The following CPXM2 variants were observed in gnomAD, a reference collection of about 807,000 sequenced individuals.
The protein encoded by CPXM2 is inactive carboxypeptidase-like protein X2.
CPXM2 carries 66 observed loss-of-function variants against 86.1 expected under a neutral mutation model. The ratio of observed to expected loss-of-function variants is 0.77; its 90% confidence interval spans 0.63 to 0.94. The LOEUF (loss-of-function observed/expected upper bound fraction) is 0.94, where lower values mean the gene tolerates loss of function less well. Among genes scored for constraint, CPXM2 ranks in the 40% least tolerant of loss-of-function variants. CPXM2 has a pLI of 0.00. For synonymous variants in CPXM2, 388 were observed against 400.2 expected, an observed-to-expected ratio of 0.97 and a Z score of 0.36; for missense variants, 948 against 1,026.3, an observed-to-expected ratio of 0.92 and a Z score of 1.04.
chr10:123,900,146 A>G (rs1252564406), intron 2 of CPXM2, among the ~76,000 whole-genome samples: 1 of 152,176 alleles, frequency 6.6e-6, no homozygotes, highest in African/African-American at 2.4e-5. Flanking sequence ...GGTTCAAGCA[A>G]TTCTCCTGCC....
At chr10:123,854,088 G>A (rs943804235) in intron 3 of CPXM2, among the ~76,000 whole-genome samples, 6 of 151,320 alleles carry the variant, frequency 4.0e-5, no homozygotes, top group Non-Finnish European at 7.4e-5. Context: ...TCCAGGAGAC[G>A]GTCATCTGAC....
intron 4 of CPXM2, among the ~76,000 whole-genome samples, chr10:123,828,634 T>A (rs533841707): frequency 2.2e-4 from 34 of 152,332 alleles, no homozygotes; most frequent in African/African-American, 7.7e-4. Flanking sequence ...CTTTCCTGGT[T>A]TCTCTGGTAT....
At chr10:123,925,638 T>C (rs910430979) in intron 2 of CPXM2, among the ~76,000 whole-genome samples, 2 of 152,224 alleles carry the variant, frequency 1.3e-5, no homozygotes, top group Non-Finnish European at 2.9e-5. Flanking sequence ...CTCTTGTGTG[T>C]ATTATGAGGT....
At chr10:123,942,501 C>A (rs1261530277), upstream of CPXM2, among the ~76,000 whole-genome samples, 1 of 152,188 alleles carries the variant, frequency 6.6e-6, no homozygotes, top group Non-Finnish European at 1.5e-5. Context: ...AATTATAATG[C>A]ATTCGCATGC....
intron 4 of CPXM2, among the ~76,000 whole-genome samples, chr10:123,816,063 C>T (rs1266146022): frequency 3.3e-5 from 5 of 152,072 alleles, no homozygotes; most frequent in Admixed American, 6.6e-5. Context: ...GTCTGATCTC[C>T]CTTGGTCTAG....
chr10:123,794,182 C>T (rs1207467323), intron 6 of CPXM2, among the ~76,000 whole-genome samples: 1 of 152,162 alleles, frequency 6.6e-6, no homozygotes, highest in Non-Finnish European at 1.5e-5. Context: ...TCTCTGTGCC[C>T]ATCACTAGGT....
At chr10:123,943,212 A>G (rs1033517964), upstream of CPXM2, among the ~76,000 whole-genome samples, 1 of 119,506 alleles carries the variant, frequency 8.4e-6, no homozygotes, top group Non-Finnish European at 1.8e-5. Flanking sequence ...AACTGGTCGT[A>G]CCATACTATT....
At chr10:123,822,473 G>A (rs1171974321) in intron 4 of CPXM2, among the ~76,000 whole-genome samples, 1 of 152,036 alleles carries the variant, frequency 6.6e-6, no homozygotes, top group Non-Finnish European at 1.5e-5. Context: ...TAAAATTAAT[G>A]AATGAACTGC....
chr10:123,839,371 A>G (rs1271113757), intron 4 of CPXM2, among the ~76,000 whole-genome samples: 1 of 152,190 alleles, frequency 6.6e-6, no homozygotes, highest in Non-Finnish European at 1.5e-5. Context: ...ATGCTCATTC[A>G]TGTATCATTA....
chr10:123,762,325 A>C (rs1260203386), intron 10 of CPXM2, among the ~76,000 whole-genome samples, 156 bp from the exon 11 acceptor site: 2 of 152,226 alleles, frequency 1.3e-5, no homozygotes. Flanking sequence ...TGTGAAGGAG[A>C]CTTAGAAAGA....
intron 6 of CPXM2, among the ~76,000 whole-genome samples, chr10:123,789,145 T>C (rs1467850138): frequency 2.0e-5 from 3 of 152,076 alleles, no homozygotes; most frequent in African/African-American, 4.8e-5. Context: ...CCAGACCCCA[T>C]TGACTGCTCT....
At chr10:123,925,975 G>A (rs960305670) in intron 2 of CPXM2, among the ~76,000 whole-genome samples, 2 of 152,170 alleles carry the variant, frequency 1.3e-5, no homozygotes, top group African/African-American at 4.8e-5. Flanking sequence ...AGTAACATAT[G>A]TAAGCATATC....
intron 2 of CPXM2, among the ~76,000 whole-genome samples, chr10:123,909,607 C>T (rs753826822): frequency 3.9e-4 from 59 of 152,188 alleles, no homozygotes; most frequent in Non-Finnish European, 4.7e-4. Flanking sequence ...TTCCATTGTA[C>T]GGTACTAAAT....
intron 11 of CPXM2, among the ~76,000 whole-genome samples, chr10:123,757,571 G>A (rs1846244056): frequency 6.6e-6 from 1 of 152,252 alleles, no homozygotes; most frequent in Admixed American, 6.5e-5. Flanking sequence ...GGTTTGTGGT[G>A]AGGACAGACA....
At chr10:123,811,240 C>T (rs2134092602) in intron 4 of CPXM2, among the ~76,000 whole-genome samples, 1 of 151,146 alleles carries the variant, frequency 6.6e-6, no homozygotes, top group South Asian at 2.1e-4. Context: ...TGTTGGTGTG[C>T]TGCACCCATT....
intron 2 of CPXM2, among the ~76,000 whole-genome samples, chr10:123,927,664 C>T (rs1178052383): frequency 1.3e-5 from 2 of 152,214 alleles, no homozygotes; most frequent in Admixed American, 6.5e-5. Context: ...GCACCTGGTT[C>T]ATTAGCTCCC....
intron 4 of CPXM2, among the ~76,000 whole-genome samples, chr10:123,839,333 T>TC (rs1470534467): frequency 2.6e-5 from 4 of 151,916 alleles, no homozygotes; most frequent in African/African-American, 9.7e-5. Flanking sequence ...CCCTCCACAT[T>TC]CCCCCCTTAC....
intron 2 of CPXM2, among the ~76,000 whole-genome samples, chr10:123,874,266 C>A (rs938460074): frequency 3.3e-5 from 5 of 152,178 alleles, no homozygotes; most frequent in African/African-American, 9.6e-5. Context: ...CCTCTCCCTG[C>A]GTCCTAACAT....
chr10:123,863,311 G>T (rs1187967882), intron 2 of CPXM2, among the ~76,000 whole-genome samples: 1 of 152,130 alleles, frequency 6.6e-6, no homozygotes, highest in Non-Finnish European at 1.5e-5. Flanking sequence ...TTGCCCCCAC[G>T]CCCACCACAG....
Sources: allele counts gnomAD v4.1 joint callset (sites outside exome capture counted in the v4.1 genomes callset), GRCh38; gene constraint gnomAD v4.1.1; transcripts MANE v1.5; gene names NCBI Gene and HGNC (gene_info 2026-07-23, HGNC 2026-07-21).